Variants in NSMCE2 observed in about 807,000 individuals in gnomAD.
NSMCE2 encodes the protein NSE2 SUMO ligase component of SMC5/6 complex, also known as E3 SUMO-protein ligase NSE2.
A neutral mutation model predicts 23.8 loss-of-function variants in NSMCE2; 24 were observed. The observed-to-expected ratio is 1.01, with a 90% confidence interval of 0.73 to 1.42. The LOEUF (loss-of-function observed/expected upper bound fraction) is 1.42. Ranked by LOEUF, NSMCE2 falls within the 40% of genes most tolerant of loss-of-function variation. The pLI, the probability that NSMCE2 is intolerant of heterozygous loss-of-function variation, is 0.00. For synonymous variants in NSMCE2, 92 were observed against 94.1 expected, an observed-to-expected ratio of 0.98 and a Z score of 0.13; for missense variants, 284 against 296.5, an observed-to-expected ratio of 0.96 and a Z score of 0.31.
chr8:125,244,154 C>T (rs7825799), intron 5 of NSMCE2, among the ~76,000 whole-genome samples: 8,669 of 151,778 alleles, frequency 0.057, 463 homozygotes, highest in South Asian at 0.14. Context: ...TAGCAGGGAT[C>T]TACAATTATA....
At chr8:125,334,520 C>T (rs868283809) in intron 5 of NSMCE2, among the ~76,000 whole-genome samples, 3 of 152,180 alleles carry the variant, frequency 2.0e-5, no homozygotes, top group Admixed American at 6.5e-5. Context: ...TCACATGGCA[C>T]GTTGAGAGCG....
chr8:125,254,605 A>ATTTTTT (rs34565896), intron 5 of NSMCE2, among the ~76,000 whole-genome samples: 7 of 148,186 alleles, frequency 4.7e-5, no homozygotes, highest in African/African-American at 1.7e-4. Context: ...TTTACCTCAG[A>ATTTTTT]TTTTTTTTTT....
intron 4 of NSMCE2, among the ~76,000 whole-genome samples, chr8:125,159,890 G>T (rs141332813): frequency 0.013 from 1,934 of 151,864 alleles, 36 homozygotes; most frequent in African/African-American, 0.045. Context: ...AACCCAGGAG[G>T]CAGAGGTTGC....
chr8:125,117,578 C>T (rs1417417993), intron 3 of NSMCE2, among the ~76,000 whole-genome samples: 1 of 151,900 alleles, frequency 6.6e-6, no homozygotes, highest in East Asian at 1.9e-4. Context: ...CTTACTCTGT[C>T]GCCCAAGCTC....
At chr8:125,219,494 T>C (rs1042612300) in intron 5 of NSMCE2, among the ~76,000 whole-genome samples, 2 of 152,220 alleles carry the variant, frequency 1.3e-5, no homozygotes, top group East Asian at 1.9e-4. Flanking sequence ...TGCCTAGAGC[T>C]TGACATTGAA....
chr8:125,247,554 G>A (rs540835535), intron 5 of NSMCE2, among the ~76,000 whole-genome samples: 6 of 152,050 alleles, frequency 3.9e-5, no homozygotes, highest in African/African-American at 1.2e-4. Context: ...GTGAAACCCC[G>A]TCTCCACTGA....
At chr8:125,160,079 T>G (rs915403932) in intron 4 of NSMCE2, among the ~76,000 whole-genome samples, 1 of 152,170 alleles carries the variant, frequency 6.6e-6, no homozygotes, top group African/African-American at 2.4e-5. Context: ...TGAAATAGTT[T>G]GACAGAGACA....
intron 1 of NSMCE2, among the ~76,000 whole-genome samples, chr8:125,093,800 C>G (rs942425434): frequency 3.9e-5 from 6 of 152,026 alleles, no homozygotes; most frequent in African/African-American, 1.2e-4. Context: ...GAAAAGTCCT[C>G]TTTTTCCTTT....
intron 7 of NSMCE2, among the ~76,000 whole-genome samples, chr8:125,362,447 C>G (rs1031156913): frequency 7.2e-5 from 11 of 152,210 alleles, no homozygotes; most frequent in African/African-American, 2.7e-4. Flanking sequence ...ATTGTCAGTG[C>G]AGCTGGCTCC....
intron 5 of NSMCE2, among the ~76,000 whole-genome samples, chr8:125,297,830 T>C (rs1022956479): frequency 1.4e-5 from 2 of 144,314 alleles, no homozygotes; most frequent in African/African-American, 5.2e-5. Context: ...TGAGACTCTG[T>C]CTCAAAAAAA....
At chr8:125,240,130 CT>C (rs397687521) in intron 5 of NSMCE2, among the ~76,000 whole-genome samples, 139 of 144,054 alleles carry the variant, frequency 9.6e-4, no homozygotes, top group Admixed American at 1.7e-3. Context: ...TTTTCTTTTT[CT>C]TTTTTTTTTT....
Position 125,193,634 on chromosome 8 carries a change from C to T in NSMCE2, c.418+11378C>T, listed in dbSNP as rs191890511. Among the ~76,000 whole-genome samples the T allele has an allele frequency of 2.0e-5, 3 of 152,166 alleles. No homozygotes were observed. In the East Asian group the frequency reaches 5.8e-4, roughly 29 times the overall value. The stretch of plus-strand genomic sequence containing the variant: ...AATCCCTCAATTTACTGAGAAAGAA[C>T]TATTGGTTAGGAGTGACAAGCATGC... On this transcript the variant is annotated intron_variant, in intron 5 of 7. Transcript: ENST00000287437.
chr8:125,100,753 G>A lies in NSMCE2; in HGVS notation c.-110-1298G>A, dbSNP rs770783187. ...TTTTTGTATTTTTAGTAGAGACAGG[G>A]TTTTGCCATGTTGGCCATGCTGGTC... On this transcript the variant is annotated intron_variant, in intron 1 of 7. Transcript: ENST00000287437. Among the ~76,000 whole-genome samples, 8 of 152,050 alleles carry A rather than the reference G, an allele frequency of 5.3e-5. No individual in the cohort carries two copies. The South Asian group carries it at 1.2e-3, about 24-fold the overall frequency.
intron 5 of NSMCE2, among the ~76,000 whole-genome samples, chr8:125,280,291 G>GC (rs1698075237): frequency 1.3e-5 from 2 of 152,182 alleles, no homozygotes; most frequent in Non-Finnish European, 2.9e-5. Context: ...GAGAGAAACA[G>GC]ACCCAAATAC....
At chr8:125,314,990 A>G (rs1829122277) in intron 5 of NSMCE2, among the ~76,000 whole-genome samples, 1 of 152,230 alleles carries the variant, frequency 6.6e-6, no homozygotes, top group African/African-American at 2.4e-5. Context: ...CTAGACTCAC[A>G]CTGAAGGGTT....
At chr8:125,220,089 A>G (rs1234729739) in intron 5 of NSMCE2, among the ~76,000 whole-genome samples, 1 of 152,172 alleles carries the variant, frequency 6.6e-6, no homozygotes, top group Non-Finnish European at 1.5e-5. Flanking sequence ...TTTTAGATGT[A>G]TTGCATTTCT....
At chr8:125,274,630 TAGTA>T (rs1447526720) in intron 5 of NSMCE2, among the ~76,000 whole-genome samples, 3 of 152,176 alleles carry the variant, frequency 2.0e-5, no homozygotes, top group Admixed American at 2.0e-4. Context: ...AATAGAATTC[TAGTA>T]AGTAACTATT....
intron 5 of NSMCE2, among the ~76,000 whole-genome samples, chr8:125,267,804 T>C (rs549760621): frequency 3.3e-5 from 5 of 152,226 alleles, no homozygotes; most frequent in African/African-American, 1.2e-4. Context: ...CTTTATCTAA[T>C]AGGTCATGTT....
chr8:125,136,081 A>G (rs1820054142), intron 3 of NSMCE2, among the ~76,000 whole-genome samples: 1 of 152,180 alleles, frequency 6.6e-6, no homozygotes, highest in Non-Finnish European at 1.5e-5. Flanking sequence ...GATGTCCAGT[A>G]TCTTATAAAC....
Sources: allele counts gnomAD v4.1 joint callset (sites outside exome capture counted in the v4.1 genomes callset), GRCh38; gene constraint gnomAD v4.1.1; transcripts MANE v1.5; gene names NCBI Gene and HGNC (gene_info 2026-07-23, HGNC 2026-07-21).